C3orf49: variants seen among roughly 807,000 people sequenced by gnomAD.
C3orf49 encodes chromosome 3 open reading frame 49.
Under a neutral mutation model 13.3 loss-of-function variants are expected in C3orf49, and 27 were observed. That is an observed-to-expected ratio of 2.02 (90% CI 1.49 to 2.79). C3orf49 has a LOEUF of 2.79. Among genes scored for constraint, C3orf49 ranks in the 30% most tolerant of loss-of-function variants. The pLI is 0.00. For missense variants in C3orf49, 242 were observed against 134.2 expected (o/e 1.80, Z -3.97); for synonymous variants, 87 against 47.6 (o/e 1.83, Z -3.40).
At position 63,831,874 on chromosome 3, in the gene C3orf49, C is replaced by T. The variant is rs756934230; in HGVS notation, c.849+30C>T. On this transcript the variant is annotated intron_variant, in intron 5 of 6. Transcript: ENST00000295896. The stretch of plus-strand genomic sequence containing the variant: ...GTTTCCCATGTACCTGCTGCTGCTT[C>T]TGACTTTGTTCCTGATTCTTTAAAA... 5 of 691,490 alleles carry T rather than the reference C, an allele frequency of 7.2e-6. No individual in the cohort carries two copies. The South Asian group carries it at 7.6e-5, about 10-fold the overall frequency. The allele number at this position is 691,490 out of a possible 1,614,324, so 42.8% of individuals were successfully genotyped here. A position where few individuals can be genotyped will look rare whatever the true frequency, so the allele number is the denominator to read the frequency against.
intron 3 of C3orf49, among the ~76,000 whole-genome samples, chr3:63,828,235 G>C (rs185762022): frequency 6.6e-6 from 1 of 152,306 alleles, no homozygotes; most frequent in South Asian, 2.1e-4. Flanking sequence ...ACAGTGCAGC[G>C]TAGATTATCT....
At chr3:63,813,086 C>T in the C3orf49 span, among the ~76,000 whole-genome samples, 3,109 of 152,290 alleles carry the variant, frequency 0.02, 181 homozygotes, top group East Asian at 0.24. Context: ...CTTACCTGCG[C>T]GTCGGAACTC....
intron 5 of C3orf49, chr3:63,839,529 T>C (rs1257308716): frequency 2.5e-6 from 2 of 794,648 alleles, no homozygotes; most frequent in South Asian, 1.5e-5. Context: ...CTACTCTTGG[T>C]TAATTAAGAG....
In C3orf49 at chr3:63,848,419, G is replaced by C. The variant is rs2107147307; in HGVS notation, c.*86G>C. Reference sequence around the variant, plus strand: ...ATCAGAAAATCGACTCCACCTATGAGCTGGAAGTCCTTCCCACCCCCCACC... The same window carrying C: ...ATCAGAAAATCGACTCCACCTATGACCTGGAAGTCCTTCCCACCCCCCACC... On this transcript the variant is annotated 3_prime_UTR_variant, in exon 7 of 7. Coordinates refer to ENST00000295896, the MANE Select transcript of C3orf49 (RefSeq NM_001355236.2). 1 of 152,230 alleles carries C rather than the reference G, an allele frequency of 6.6e-6. No individual in the cohort carries two copies. The highest frequency in any genetic ancestry group is 6.6e-5 in the Admixed American group (1 of 15,266). The allele number at this position is 152,230 out of a possible 1,614,324, so 9.4% of individuals were successfully genotyped here.
chr3:63,838,080 T>C, intron 5 of C3orf49: 1 of 1,575,150 alleles, frequency 6.3e-7, no homozygotes, highest in Non-Finnish European at 8.6e-7. Flanking sequence ...AGAAGGTTTT[T>C]TAAAAGATAG....
At chr3:63,811,580 A>C in the C3orf49 span, among the ~76,000 whole-genome samples, 3,993 of 151,512 alleles carry the variant, frequency 0.026, 160 homozygotes, top group African/African-American at 0.089. Context: ...CAAAACAAAA[A>C]AAAAAACAAA....
Position 63,819,371 on chromosome 3 carries a change from C to A in C3orf49, c.-101C>A, listed in dbSNP as rs187346763. The A allele has an allele frequency of 3.5e-3, 2,250 of 644,450 alleles. 37 individuals are homozygous for A. The highest frequency in any genetic ancestry group is 0.017 in the South Asian group (989 of 57,322). The allele number at this position is 644,450 out of a possible 1,614,324, so 39.9% of individuals were successfully genotyped here. A position where few individuals can be genotyped will look rare whatever the true frequency, so the allele number is the denominator to read the frequency against. On this transcript the variant is annotated 5_prime_UTR_variant, in exon 1 of 7. Transcript: ENST00000295896. The stretch of plus-strand genomic sequence containing the variant: ...CATATTTTATTCCGAATAGCCCACA[C>A]CTTGACAGTACATTCAGTCACTGGA...
chr3:63,820,535 TTC>T (rs1490844606), intron 1 of C3orf49, among the ~76,000 whole-genome samples: 1 of 152,202 alleles, frequency 6.6e-6, no homozygotes, highest in Non-Finnish European at 1.5e-5. Flanking sequence ...CTTCTAGAGA[TTC>T]TGAGACCACT....
At chr3:63,835,318 G>T (rs759751230) in intron 5 of C3orf49, 3 of 1,613,174 alleles carry the variant, frequency 1.9e-6, no homozygotes, top group Non-Finnish European at 1.7e-6. Context: ...ATATATATGC[G>T]AATACCTTAT....
upstream of C3orf49, among the ~76,000 whole-genome samples, chr3:63,816,581 AAACAAC>A (rs572357172): frequency 6.6e-6 from 1 of 150,976 alleles, no homozygotes; most frequent in Non-Finnish European, 1.5e-5. Context: ...GATGCTGTTT[AAACAAC>A]AACAACAACA....
the C3orf49 span, among the ~76,000 whole-genome samples, chr3:63,811,626 A>G: frequency 6.6e-6 from 1 of 151,866 alleles, no homozygotes; most frequent in East Asian, 1.9e-4. Flanking sequence ...TCACACCTAT[A>G]GTCCCGACTA....
At chr3:63,843,686 G>A (rs1701820909) in intron 5 of C3orf49, among the ~76,000 whole-genome samples, 1 of 152,100 alleles carries the variant, frequency 6.6e-6, no homozygotes, top group Non-Finnish European at 1.5e-5. Flanking sequence ...GCATCACGAG[G>A]TCAGGAGATC....
intron 5 of C3orf49, among the ~76,000 whole-genome samples, chr3:63,835,787 C>T (rs1390819643): frequency 1.3e-5 from 2 of 152,032 alleles, no homozygotes; most frequent in East Asian, 1.9e-4. Context: ...TTTTTATCTC[C>T]TCTACCTCCC....
upstream of C3orf49, among the ~76,000 whole-genome samples, chr3:63,816,035 C>T (rs1396493265): frequency 1.6e-4 from 25 of 151,526 alleles, no homozygotes; most frequent in African/African-American, 6.0e-4. Flanking sequence ...CTGCCTGCCT[C>T]GGCCTCTCAA....
the C3orf49 span, among the ~76,000 whole-genome samples, chr3:63,809,159 T>C: frequency 6.6e-6 from 1 of 152,200 alleles, no homozygotes; most frequent in Non-Finnish European, 1.5e-5. Flanking sequence ...TAAGCAATAG[T>C]CTGAAAATTT....
intron 5 of C3orf49, chr3:63,838,537 G>A: frequency 6.4e-7 from 1 of 1,568,028 alleles, no homozygotes; most frequent in Non-Finnish European, 8.6e-7. Flanking sequence ...AAAGATATTT[G>A]TGGACTGACA....
chr3:63,825,981 G>C (rs773231666), intron 2 of C3orf49, among the ~76,000 whole-genome samples: 1 of 152,198 alleles, frequency 6.6e-6, no homozygotes, highest in Non-Finnish European at 1.5e-5. Context: ...ACACAAGGTG[G>C]AGGGGGGAGA....
chr3:63,846,072 T>G (rs760673893), intron 6 of C3orf49: 3 of 289,046 alleles, frequency 1.0e-5, no homozygotes, highest in Non-Finnish European at 2.1e-5. Context: ...AAAGAGCTAA[T>G]GAAAAGCTGG....
the C3orf49 span, among the ~76,000 whole-genome samples, chr3:63,791,359 C>T: frequency 1.3e-5 from 2 of 152,170 alleles, no homozygotes; most frequent in Admixed American, 6.5e-5. Context: ...TCTGTCCCTC[C>T]CATATTCTTT....
Sources: gnomAD v4.1 joint callset for allele counts (sites outside exome capture counted in the v4.1 genomes callset) on GRCh38, gnomAD v4.1.1 for gene constraint, MANE v1.5 for transcripts, NCBI Gene and HGNC (gene_info 2026-07-23, HGNC 2026-07-21) for gene names.